Variants in PRDM16 observed in about 807,000 individuals in gnomAD.
PRDM16 encodes histone-lysine N-methyltransferase PRDM16.
Under a neutral mutation model 110.6 loss-of-function variants are expected in PRDM16, and 23 were observed. The observed-to-expected ratio is 0.21, with a 90% CI of 0.15 to 0.29. The LOEUF is 0.29. PRDM16 is among the 10% of genes least tolerant of loss of function. PRDM16 has a pLI of 1.00. For missense variants in PRDM16, 1,615 were observed against 1,794.3 expected (o/e 0.90, Z 1.81); for synonymous variants, 799 against 781.8 (o/e 1.02, Z -0.37).
In PRDM16 at chr1:3,209,285, G is replaced by A. The variant is rs149995248; in HGVS notation, c.387+22811G>A. ...CTCAGAGTGGGATTTACTAAGCACG[G>A]TCACGCTGAACAGTAACTGTGGGCA... On this transcript the variant is annotated intron_variant, in intron 2 of 16. Coordinates refer to ENST00000270722, the MANE Select transcript of PRDM16 (RefSeq NM_022114.4). The surrounding 1 kb of genome is among the most constrained non-coding windows in gnomAD (Gnocchi z 4.6). Among the ~76,000 whole-genome samples the A allele has an allele frequency of 2.0e-3, 300 of 152,358 alleles. No individual in the cohort carries two copies. Among genetic ancestry groups the A allele is most frequent in the African/African-American group, 6.8e-3 (281 of 41,582 alleles).
intron 3 of PRDM16, among the ~76,000 whole-genome samples, chr1:3,253,676 C>T (rs1404515038): frequency 6.6e-6 from 1 of 152,172 alleles, no homozygotes; most frequent in Admixed American, 6.5e-5. Flanking sequence ...CATACGTGTG[C>T]ATGTGTCTTT....
chr1:3,409,857 T>TGTG (rs1643647819), intron 8 of PRDM16, among the ~76,000 whole-genome samples: 1 of 141,872 alleles, frequency 7.0e-6, no homozygotes, highest in African/African-American at 2.7e-5. Flanking sequence ...GGTGTGTGTG[T>TGTG]GGTGTTTGTG....
intron 3 of PRDM16, among the ~76,000 whole-genome samples, chr1:3,333,766 T>C (rs969101858): frequency 2.0e-5 from 3 of 152,050 alleles, no homozygotes; most frequent in Admixed American, 1.3e-4. Flanking sequence ...TTTGGCTCCA[T>C]CCCCTTGGTG....
intron 1 of PRDM16, among the ~76,000 whole-genome samples, chr1:3,173,178 C>T (rs1475740939): frequency 1.3e-5 from 2 of 152,192 alleles, no homozygotes; most frequent in Non-Finnish European, 2.9e-5. Context: ...GTGAGCAATC[C>T]GTGGCTACCT....
At chr1:3,345,373 G>A (rs561038385) in intron 3 of PRDM16, among the ~76,000 whole-genome samples, 10 of 152,256 alleles carry the variant, frequency 6.6e-5, no homozygotes, top group African/African-American at 2.2e-4. Context: ...AGGCTCCTGG[G>A]CCCCACTCTT....
At chr1:3,092,765 G>A (rs543582308) in intron 1 of PRDM16, among the ~76,000 whole-genome samples, 6 of 152,224 alleles carry the variant, frequency 3.9e-5, no homozygotes, top group South Asian at 2.1e-4. Context: ...GGGGTCTCCC[G>A]GCAGCTCTAG....
Position 3,186,136 on chromosome 1 carries a change from G to A in PRDM16, c.49G>A (p.Val17Ile), listed in dbSNP as rs183153140. Residue 17 changes from valine (V) to isoleucine (I), a missense_variant, in exon 2 of 17, where the codon GTT (valine) becomes ATT (isoleucine). Val to Ile is a conservative substitution (Grantham distance 29, BLOSUM62 3). Around this residue, in one of 5 missense-constraint regions of PRDM16, gnomAD observed 416 missense variants for 467.1 expected, o/e 0.89. Coordinates refer to ENST00000270722, the MANE Select transcript of PRDM16 (RefSeq NM_022114.4). ...ARKLAKSDGD[V>I]VNNMYEPNRD... ...GTTGTCTCCTTTAGGTGACGGTGAC[G>A]TTGTAAATAATATGTATGAGCCCAA... 2.7e-4 allele frequency: 441 copies of A among 1,612,566 alleles called. No individual in the cohort carries two copies. In the African/African-American group the frequency reaches 5.0e-3, roughly 18 times the overall value.
Position 3,425,515 on chromosome 1 carries a change from C to T in PRDM16, c.2940-66C>T, listed in dbSNP as rs531572633. ...GGGGCGCGGGCTCCCTTCCCCCCACCCTCTGTGGCCCGGCCTGCCATGCAG... is the reference window on the plus strand; with the variant it reads ...GGGGCGCGGGCTCCCTTCCCCCCACTCTCTGTGGCCCGGCCTGCCATGCAG... On this transcript the variant is annotated intron_variant, in intron 12 of 16. Transcript: ENST00000270722. This position sits in a 1 kb window ranked among gnomAD's most constrained non-coding sequence, Gnocchi z 6.9. 10 of 1,549,620 alleles carry T rather than the reference C, an allele frequency of 6.5e-6. No homozygotes were observed. Among genetic ancestry groups the T allele is most frequent in the South Asian group, 1.2e-5 (1 of 84,554 alleles).
At chr1:3,247,237 C>G (rs1639809328) in intron 3 of PRDM16, among the ~76,000 whole-genome samples, 1 of 152,204 alleles carries the variant, frequency 6.6e-6, no homozygotes, top group Non-Finnish European at 1.5e-5. Flanking sequence ...TGTTCTTTAT[C>G]TGCCTCAGTG....
chr1:3,397,797 G>A (rs1643408126), intron 5 of PRDM16, among the ~76,000 whole-genome samples: 1 of 152,324 alleles, frequency 6.6e-6, no homozygotes, highest in South Asian at 2.1e-4. Context: ...TGATTTCACG[G>A]TGAAGGAATG....
At chr1:3,221,572 A>G (rs2817148) in intron 2 of PRDM16, among the ~76,000 whole-genome samples, 18,627 of 152,218 alleles carry the variant, frequency 0.12, 2,870 homozygotes, top group African/African-American at 0.36. Flanking sequence ...TCTGGCTTCC[A>G]ATGAACGTCA....
intron 4 of PRDM16, chr1:3,386,938 A>G (rs944867969): frequency 5.3e-5 from 8 of 152,192 alleles, no homozygotes; most frequent in African/African-American, 1.9e-4. Flanking sequence ...TAAAGTGGGT[A>G]TCTTTATGTG....
chr1:3,121,816 C>T (rs949079070), intron 1 of PRDM16, among the ~76,000 whole-genome samples: 9 of 152,248 alleles, frequency 5.9e-5, no homozygotes, highest in African/African-American at 1.7e-4. Flanking sequence ...CCTCCCCAGG[C>T]GGCTGGGGAC....
intron 3 of PRDM16, among the ~76,000 whole-genome samples, chr1:3,341,631 C>T (rs902190165): frequency 2.0e-5 from 3 of 152,210 alleles, no homozygotes; most frequent in African/African-American, 7.2e-5. Context: ...TTTGGCTTTA[C>T]GACGGTGGAG....
At chr1:3,139,166 G>A (rs541626937) in intron 1 of PRDM16, among the ~76,000 whole-genome samples, 14 of 129,308 alleles carry the variant, frequency 1.1e-4, no homozygotes, top group South Asian at 7.9e-4. Context: ...CAGAGCGGAC[G>A]GTTGCTTCAT....
intron 3 of PRDM16, among the ~76,000 whole-genome samples, chr1:3,267,297 G>A (rs1640317972): frequency 6.6e-6 from 1 of 152,186 alleles, no homozygotes; most frequent in Non-Finnish European, 1.5e-5. Context: ...AATGTTCACT[G>A]AACATAATGT....
In PRDM16 at chr1:3,081,359, A is replaced by G. The variant is rs1468928212; in HGVS notation, c.37+12063A>G. On this transcript the variant is annotated intron_variant, in intron 1 of 16. Coordinates refer to ENST00000270722, the MANE Select transcript of PRDM16 (RefSeq NM_022114.4). This position sits in a 1 kb window ranked among gnomAD's most constrained non-coding sequence, Gnocchi z 4.6. The stretch of plus-strand genomic sequence containing the variant: ...CTCCTGACAGGTGACCCTTGTTCAA[A>G]GGGAACGAGGGGCTGGTGGCCACGG... Among the ~76,000 whole-genome samples, 1 of 152,168 alleles carries G rather than the reference A, an allele frequency of 6.6e-6. No individual in the cohort carries two copies. The highest frequency in any genetic ancestry group is 2.4e-5 in the African/African-American group (1 of 41,458).
chr1:3,125,203 C>T (rs1643179802), intron 1 of PRDM16, among the ~76,000 whole-genome samples: 1 of 152,274 alleles, frequency 6.6e-6, no homozygotes, highest in African/African-American at 2.4e-5. Context: ...GCTGGGCTTC[C>T]TCAGCCAGCG....
intron 1 of PRDM16, among the ~76,000 whole-genome samples, chr1:3,127,133 C>T (rs1238480431): frequency 6.6e-6 from 1 of 152,234 alleles, no homozygotes; most frequent in Non-Finnish European, 1.5e-5. Context: ...GAGGCCCAGA[C>T]GGTCTCTTGT....
Sources: allele counts gnomAD v4.1 joint callset (sites outside exome capture counted in the v4.1 genomes callset), GRCh38; gene constraint gnomAD v4.1.1; regional missense constraint gnomAD v4.1.1; non-coding constraint Gnocchi (gnomAD v3.1); transcripts MANE v1.5; gene names NCBI Gene and HGNC (gene_info 2026-07-23, HGNC 2026-07-21).